LMTK2: variants seen among roughly 807,000 people sequenced by gnomAD.
LMTK2 encodes serine/threonine-protein kinase LMTK2.
Under a neutral mutation model 127.5 loss-of-function variants are expected in LMTK2, and 37 were observed. The ratio of observed to expected loss-of-function variants is 0.29; its 90% CI spans 0.22 to 0.38. LMTK2 has a LOEUF of 0.38. Ranked by LOEUF, LMTK2 falls within the 10% of genes least tolerant of loss-of-function variation. The pLI is 1.00. For missense variants in LMTK2, 1,694 were observed against 1,920.3 expected (o/e 0.88, Z 2.20); for synonymous variants, 819 against 810.1 (o/e 1.01, Z -0.19).
At chr7:98,184,381 A>G (rs1797401308) in intron 7 of LMTK2, among the ~76,000 whole-genome samples, 1 of 151,660 alleles carries the variant, frequency 6.6e-6, no homozygotes, top group Non-Finnish European at 1.5e-5. Flanking sequence ...TTTTAGAGAG[A>G]CAGTTTAACA....
Position 98,192,536 on chromosome 7 carries a change from C to G in LMTK2, c.2071C>G (p.Arg691Gly). The G allele has an allele frequency of 6.2e-7, 1 of 1,611,948 alleles. No individual in the cohort carries two copies. Residue 691 changes from arginine (R) to glycine (G), a missense_variant, in exon 11 of 14, where the codon CGT (arginine) becomes GGT (glycine). Arg to Gly is a moderately radical substitution (Grantham distance 125). Around this residue, in one of 8 missense-constraint regions of LMTK2, gnomAD observed 527 missense variants for 539.8 expected, o/e 0.98. Transcript: ENST00000297293. ...ITGHFEKEKP[R>G]KIFDSEPLCL... Reference sequence around the variant, plus strand: ...AGGCCACTTTGAGAAAGAAAAGCCCCGTAAGATTTTTGACAGTGAGCCTCT... The same window carrying G: ...AGGCCACTTTGAGAAAGAAAAGCCCGGTAAGATTTTTGACAGTGAGCCTCT...
Position 98,193,995 on chromosome 7 carries a change from G to A in LMTK2, c.3530G>A (p.Arg1177Lys). The change falls in exon 11 of 14, where the codon AGA becomes AAA. Residue 1177 changes from arginine (R) to lysine (K), a missense_variant. Around this residue, in one of 8 missense-constraint regions of LMTK2, gnomAD observed 554 missense variants for 567.7 expected, o/e 0.98. Coordinates refer to ENST00000297293, the MANE Select transcript of LMTK2 (RefSeq NM_014916.4). This position sits in a 1 kb window ranked among gnomAD's most constrained non-coding sequence, Gnocchi z 4.1. ...ALHNSSDLEL[R>K]ATPEPAQTGV... is the part of the protein sequence containing the mutation. ...CACAACTCCAGTGACCTGGAATTAA[G>A]AGCCACGCCGGAGCCAGCACAGACT... is the stretch of plus-strand genomic sequence containing the variant. 5 of 1,614,152 alleles carry A rather than the reference G, an allele frequency of 3.1e-6. No homozygotes were observed. Among genetic ancestry groups the A allele is most frequent in the Non-Finnish European group, 4.2e-6 (5 of 1,180,050 alleles).
At position 98,177,060 on chromosome 7, in the gene LMTK2, C is replaced by T. The variant is rs1393135464; in HGVS notation, c.791+5386C>T. 2.2e-5 allele frequency among the ~76,000 whole-genome samples: 3 copies of T among 136,370 alleles called. No individual in the cohort carries two copies. In the South Asian group the frequency reaches 7.3e-4, roughly 33 times the overall value. The allele number at this position is 136,370 out of a possible 152,430, so 89.5% of individuals were successfully genotyped here. On this transcript the variant is annotated intron_variant, in intron 7 of 13. Coordinates refer to ENST00000297293, the MANE Select transcript of LMTK2 (RefSeq NM_014916.4). ...CTCCAGATTTCACACTGTTAACCAC[C>T]GAGCTACACCACACAATCATTGGAA...
chr7:98,115,804 G>T (rs1252583740), intron 1 of LMTK2, among the ~76,000 whole-genome samples: 5 of 152,176 alleles, frequency 3.3e-5, no homozygotes, highest in African/African-American at 4.8e-5. Flanking sequence ...AGCAAAAAAA[G>T]AAAGGTTTGG....
At chr7:98,202,071 G>A (rs1562924686) in intron 11 of LMTK2, among the ~76,000 whole-genome samples, 2 of 151,914 alleles carry the variant, frequency 1.3e-5, no homozygotes, top group African/African-American at 2.4e-5. Flanking sequence ...GTTAGACCCT[G>A]TGTATTCTCT....
At chr7:98,204,940 GT>G (rs1225506835) in intron 13 of LMTK2, among the ~76,000 whole-genome samples, 1 of 152,208 alleles carries the variant, frequency 6.6e-6, no homozygotes, top group African/African-American at 2.4e-5. Context: ...TGGAATGTTG[GT>G]TTTGCTGCTG....
chr7:98,185,581 G>A (rs2116449695), intron 8 of LMTK2, among the ~76,000 whole-genome samples: 1 of 152,242 alleles, frequency 6.6e-6, no homozygotes, highest in Non-Finnish European at 1.5e-5. Context: ...AAGGAAATAA[G>A]TGAAGAAGTC....
At chr7:98,146,825 A>C (rs1459838023) in intron 3 of LMTK2, among the ~76,000 whole-genome samples, 1 of 152,238 alleles carries the variant, frequency 6.6e-6, no homozygotes, top group East Asian at 1.9e-4. Flanking sequence ...TTACCTACAT[A>C]GTTACCTTTA....
rs1796671500 is a variant in LMTK2, at chr7:98,140,184, T to TG, written c.232-1213_232-1212insG. Among the ~76,000 whole-genome samples the TG allele has an allele frequency of 9.8e-4, 16 of 16,340 alleles. 2 individuals are homozygous for TG. The highest frequency in any genetic ancestry group is 2.1e-3 in the African/African-American group (10 of 4,846). 10.7% of individuals were successfully genotyped at this position (16,340 alleles called of 152,430 possible). A position where few individuals can be genotyped will look rare whatever the true frequency, so the allele number is the denominator to read the frequency against. The stretch of plus-strand genomic sequence containing the variant: ...TTTCTTTTCTTTTCTTTCTTTTCTT[T>TG]CTTCTTTCTGTCTTTGAGATGGTCT... On this transcript the variant is annotated intron_variant, in intron 2 of 13. Coordinates refer to ENST00000297293, the MANE Select transcript of LMTK2 (RefSeq NM_014916.4).
chr7:98,135,959 T>C (rs1185896226), intron 1 of LMTK2, among the ~76,000 whole-genome samples: 1 of 151,920 alleles, frequency 6.6e-6, no homozygotes, highest in Non-Finnish European at 1.5e-5. Context: ...CCTCAGGCTG[T>C]AGTCTGCAGG....
At chr7:98,111,325 A>G (rs1174327197) in intron 1 of LMTK2, among the ~76,000 whole-genome samples, 3 of 152,264 alleles carry the variant, frequency 2.0e-5, no homozygotes, top group East Asian at 1.9e-4. Flanking sequence ...AGACACTGTC[A>G]TATAAATAAG....
chr7:98,197,160 A>G (rs1361965225), intron 11 of LMTK2, among the ~76,000 whole-genome samples: 1 of 152,252 alleles, frequency 6.6e-6, no homozygotes, highest in African/African-American at 2.4e-5. Flanking sequence ...CTTACCGTGT[A>G]AAGTAGTAAA....
intron 1 of LMTK2, among the ~76,000 whole-genome samples, chr7:98,109,912 G>A (rs960251197): frequency 6.6e-6 from 1 of 152,050 alleles, no homozygotes; most frequent in African/African-American, 2.4e-5. Flanking sequence ...ATCCTGACTA[G>A]TGAGCTCGCT....
In LMTK2 at chr7:98,176,419, A is replaced by C. The variant is rs1797278037; in HGVS notation, c.791+4745A>C. Among the ~76,000 whole-genome samples the C allele has an allele frequency of 3.3e-5, 5 of 152,356 alleles. No individual in the cohort carries two copies. The South Asian group carries it at 1.0e-3, about 32-fold the overall frequency. On this transcript the variant is annotated intron_variant, in intron 7 of 13. Transcript: ENST00000297293. The stretch of plus-strand genomic sequence containing the variant: ...ATAAAGTCCTTTCAATTAAATGAGA[A>C]ACCAGGCAGAGATGCCCACTATTTC...
At chr7:98,143,719 C>T (rs1562904004) in intron 3 of LMTK2, among the ~76,000 whole-genome samples, 2 of 152,098 alleles carry the variant, frequency 1.3e-5, no homozygotes, top group Non-Finnish European at 1.5e-5. Context: ...GAGGGGTAGT[C>T]GGGCAACATG....
chr7:98,165,665 C>A (rs148607799), intron 6 of LMTK2, among the ~76,000 whole-genome samples: 71 of 152,146 alleles, frequency 4.7e-4, no homozygotes, highest in African/African-American at 1.6e-3. Context: ...TAGAATTGGC[C>A]TCTTTGGTGC....
Position 98,203,673 on chromosome 7 carries a change from T to G in LMTK2, c.4207T>G (p.Cys1403Gly). 1 of 1,613,836 alleles carries G rather than the reference T, an allele frequency of 6.2e-7. No homozygotes were observed. Among genetic ancestry groups the G allele is most frequent in the Non-Finnish European group, 8.5e-7 (1 of 1,179,954 alleles). Residue 1403 changes from cysteine to glycine, a missense_variant, in exon 12 of 14, where the codon TGC (cysteine) becomes GGC (glycine). By Grantham distance (159) the Cys-to-Gly change is radical (BLOSUM62 -3). Around this residue, in one of 8 missense-constraint regions of LMTK2, gnomAD observed 554 missense variants for 567.7 expected, o/e 0.98. Transcript: ENST00000297293. ...PASGSPYLSR[C>G]INSESSTDEE... ...CTCAGGCTCTCCCTACCTGAGCAGG[T>G]GCATCAACTCCGAAAGCTCCACCGA... is the stretch of plus-strand genomic sequence containing the variant.
intron 1 of LMTK2, among the ~76,000 whole-genome samples, chr7:98,135,724 GA>G (rs1465303764): frequency 1.1e-4 from 17 of 152,262 alleles, no homozygotes; most frequent in African/African-American, 4.1e-4. Flanking sequence ...TATCCTAGTT[GA>G]ATAATATGTT....
intron 1 of LMTK2, among the ~76,000 whole-genome samples, chr7:98,124,765 A>C (rs1311425470): frequency 1.3e-5 from 2 of 151,228 alleles, no homozygotes; most frequent in African/African-American, 4.8e-5. Context: ...AGCCGAGGTG[A>C]CAGAGCAAGA....
Sources: gnomAD v4.1 joint callset for allele counts (sites outside exome capture counted in the v4.1 genomes callset) on GRCh38, gnomAD v4.1.1 for gene constraint, gnomAD v4.1.1 regional missense constraint, Gnocchi (gnomAD v3.1) non-coding constraint, MANE v1.5 for transcripts, NCBI Gene and HGNC (gene_info 2026-07-23, HGNC 2026-07-21) for gene names.